Variants in CDK17 observed in about 807,000 individuals in gnomAD.
CDK17 encodes cyclin-dependent kinase 17.
In CDK17, 24 loss-of-function variants were observed where a neutral mutation model predicts 77.6. That is an observed-to-expected ratio of 0.31 (90% CI 0.22 to 0.44). CDK17 has a LOEUF of 0.44. CDK17 is among the 20% of genes least tolerant of loss of function. The pLI, the probability that CDK17 is intolerant of heterozygous loss-of-function variation, is 1.00. For missense variants in CDK17, 429 were observed against 622.5 expected (o/e 0.69, Z 3.31); for synonymous variants, 203 against 210.4 (o/e 0.96, Z 0.30).
At chr12:96,292,701 T>C (rs1355516060) in intron 10 of CDK17, among the ~76,000 whole-genome samples, 1 of 152,206 alleles carries the variant, frequency 6.6e-6, no homozygotes, top group African/African-American at 2.4e-5. Flanking sequence ...CTAAGTTCTC[T>C]AAGAGTATTC....
chr12:96,377,885 G>A (rs1233887151), intron 1 of CDK17, among the ~76,000 whole-genome samples: 11 of 152,082 alleles, frequency 7.2e-5, no homozygotes, highest in African/African-American at 2.4e-5. Flanking sequence ...AGTAGAGACA[G>A]GGTTTCACCG....
At chr12:96,363,999 A>T (rs936116296) in intron 1 of CDK17, among the ~76,000 whole-genome samples, 2 of 152,174 alleles carry the variant, frequency 1.3e-5, no homozygotes, top group East Asian at 3.8e-4. Flanking sequence ...ATTTCACATA[A>T]ACTGGATCAC....
At chr12:96,334,583 A>G in intron 2 of CDK17, 136 bp downstream of exon 2, 1 of 574,988 alleles carries the variant, frequency 1.7e-6, no homozygotes, top group Non-Finnish European at 3.0e-6. Flanking sequence ...ATAGTCTTCA[A>G]TTTCCTAAGA....
intron 1 of CDK17, among the ~76,000 whole-genome samples, chr12:96,349,703 A>G (rs1442865687): frequency 6.6e-6 from 1 of 152,194 alleles, no homozygotes; most frequent in Non-Finnish European, 1.5e-5. Context: ...CTCTTAAGAT[A>G]AAAAACAAGA....
At chr12:96,363,683 TAAA>T (rs1012244105) in intron 1 of CDK17, among the ~76,000 whole-genome samples, 1 of 151,318 alleles carries the variant, frequency 6.6e-6, no homozygotes, top group Admixed American at 6.6e-5. Flanking sequence ...CTGTCTGTAC[TAAA>T]AAAAATACAA....
intron 1 of CDK17, among the ~76,000 whole-genome samples, chr12:96,379,013 T>C (rs1215607620): frequency 6.6e-6 from 1 of 152,208 alleles, no homozygotes; most frequent in African/African-American, 2.4e-5. Context: ...GAACTTAAAA[T>C]GGTTATAATA....
intron 1 of CDK17, among the ~76,000 whole-genome samples, chr12:96,358,712 C>T (rs967919005): frequency 1.3e-5 from 2 of 152,034 alleles, no homozygotes; most frequent in African/African-American, 4.8e-5. Flanking sequence ...GTAATCCCAG[C>T]TACTCAGGAG....
At chr12:96,353,088 T>C (rs1375559858) in intron 1 of CDK17, among the ~76,000 whole-genome samples, 1 of 152,212 alleles carries the variant, frequency 6.6e-6, no homozygotes, top group African/African-American at 2.4e-5. Flanking sequence ...TAATAAGTAT[T>C]ACTGACACTC....
chr12:96,303,572 A>AT (rs1168682187), intron 5 of CDK17: 1 of 152,036 alleles, frequency 6.6e-6, no homozygotes, highest in Admixed American at 6.6e-5. Context: ...AATGAAGATA[A>AT]TTTTTTCTGA....
intron 1 of CDK17, among the ~76,000 whole-genome samples, chr12:96,350,483 A>T (rs112362392): frequency 2.9e-4 from 44 of 152,342 alleles, no homozygotes; most frequent in African/African-American, 9.4e-4. Context: ...ATAAAAAGAT[A>T]AAAAGCTACA....
chr12:96,300,063 T>C (rs190578033), intron 6 of CDK17, among the ~76,000 whole-genome samples: 27 of 152,316 alleles, frequency 1.8e-4, no homozygotes, highest in Admixed American at 1.7e-3. Flanking sequence ...CATAATACTT[T>C]CTGCTTCAAT....
At chr12:96,381,638 A>G (rs1953884400) in intron 1 of CDK17, among the ~76,000 whole-genome samples, 1 of 152,168 alleles carries the variant, frequency 6.6e-6, no homozygotes. Flanking sequence ...AAATACATAT[A>G]TAAGAATATC....
At chr12:96,341,332 C>T (rs1047351380) in intron 1 of CDK17, among the ~76,000 whole-genome samples, 3 of 141,570 alleles carry the variant, frequency 2.1e-5, no homozygotes, top group Non-Finnish European at 3.3e-5. Context: ...CACACACACA[C>T]ACACACACAC....
chr12:96,292,264 GA>G (rs1267219786), intron 10 of CDK17, among the ~76,000 whole-genome samples: 1 of 152,044 alleles, frequency 6.6e-6, no homozygotes, highest in Non-Finnish European at 1.5e-5. Flanking sequence ...AGTAATACTT[GA>G]AACACTCATA....
At chr12:96,371,413 A>G (rs907392916) in intron 1 of CDK17, among the ~76,000 whole-genome samples, 6 of 152,204 alleles carry the variant, frequency 3.9e-5, no homozygotes, top group African/African-American at 7.2e-5. Context: ...AAAAATTAAA[A>G]CAGCATTTTA....
chr12:96,346,041 A>C (rs766812762), intron 1 of CDK17, among the ~76,000 whole-genome samples: 5 of 152,212 alleles, frequency 3.3e-5, no homozygotes, highest in Non-Finnish European at 7.3e-5. Flanking sequence ...TGTCTATAAG[A>C]GACCGGGTGC....
chr12:96,364,306 T>C (rs1953548263), intron 1 of CDK17, among the ~76,000 whole-genome samples: 1 of 152,196 alleles, frequency 6.6e-6, no homozygotes. Flanking sequence ...ACATGGCAGA[T>C]GTATGTTTAA....
At chr12:96,353,441 ACTT>A (rs1475416937) in intron 1 of CDK17, among the ~76,000 whole-genome samples, 1 of 152,192 alleles carries the variant, frequency 6.6e-6, no homozygotes, top group Non-Finnish European at 1.5e-5. Context: ...AATACATTTT[ACTT>A]CTTCATCAAG....
chr12:96,330,000 A>G (rs1268081739), intron 2 of CDK17, among the ~76,000 whole-genome samples: 2 of 152,238 alleles, frequency 1.3e-5, no homozygotes, highest in African/African-American at 4.8e-5. Flanking sequence ...TTATCTGACT[A>G]CACTTCTTGG....
Sources: allele counts gnomAD v4.1 joint callset (sites outside exome capture counted in the v4.1 genomes callset), GRCh38; gene constraint gnomAD v4.1.1; transcripts MANE v1.5; gene names NCBI Gene and HGNC (gene_info 2026-07-23, HGNC 2026-07-21).